The following CNTFR variants were observed in gnomAD, a reference collection of about 807,000 sequenced individuals.
CNTFR encodes the protein ciliary neurotrophic factor receptor, also known as ciliary neurotrophic factor receptor subunit alpha.
A neutral mutation model predicts 40.4 loss-of-function variants in CNTFR; 12 were observed. The ratio of observed to expected loss-of-function variants is 0.30; its 90% CI spans 0.19 to 0.48. CNTFR has a LOEUF of 0.48. Among genes scored for constraint, CNTFR ranks in the 20% least tolerant of loss-of-function variants. The probability of loss-of-function intolerance (pLI) is 0.99; values close to 1 mark genes in which losing one functional copy is unlikely to be tolerated. For synonymous variants in CNTFR, 202 were observed against 209.6 expected (o/e 0.96, Z 0.31); for missense variants, 414 against 506.8 (o/e 0.82, Z 1.76).
intron 7 of CNTFR, among the ~76,000 whole-genome samples, chr9:34,555,951 A>ATCTCCCTCCCCCC (rs1825818722): frequency 4.3e-5 from 1 of 23,194 alleles, no homozygotes; most frequent in African/African-American, 1.8e-4. Context: ...TCCCTCCCCC[A>ATCTCCCTCCCCCC]CCATCTCCCT....
At chr9:34,586,607 G>T (rs1038180392) in intron 1 of CNTFR, among the ~76,000 whole-genome samples, 2 of 152,144 alleles carry the variant, frequency 1.3e-5, no homozygotes, top group African/African-American at 4.8e-5. Context: ...ACCACAGAAG[G>T]GATGTCCAAA....
chr9:34,571,297 C>G (rs1826619960), intron 2 of CNTFR: 1 of 152,508 alleles, frequency 6.6e-6, no homozygotes, highest in Admixed American at 6.5e-5. Context: ...CAGTCGCCCT[C>G]ACACCCTCCC....
chr9:34,579,285 C>T (rs1250835732), intron 2 of CNTFR, among the ~76,000 whole-genome samples: 4 of 152,052 alleles, frequency 2.6e-5, no homozygotes, highest in African/African-American at 9.7e-5. Context: ...AATCCGTCCG[C>T]CCGCCGCTCC....
chr9:34,587,961 G>C (rs754364457), intron 1 of CNTFR, among the ~76,000 whole-genome samples: 1 of 152,154 alleles, frequency 6.6e-6, no homozygotes, highest in Non-Finnish European at 1.5e-5. Context: ...GCCCCACAAC[G>C]TAAGTGTCAG....
At position 34,551,779 on chromosome 9, in the gene CNTFR, T is replaced by C; in HGVS notation, c.*292A>G. The C allele has an allele frequency of 1.7e-6, 1 of 581,154 alleles. No individual in the cohort carries two copies. The highest frequency in any genetic ancestry group is 2.9e-5 in the East Asian group (1 of 34,888). The allele number at this position is 581,154 out of a possible 1,614,324, so 36.0% of individuals were successfully genotyped here. ...TCCCCTCACGTCCCCCAAGGGCTCC[T>C]GGGAGTCGCTGGCATTGGAGGGTCC... On this transcript the variant is annotated 3_prime_UTR_variant, in exon 10 of 10. Coordinates refer to ENST00000378980, the MANE Select transcript of CNTFR (RefSeq NM_147164.3).
chr9:34,562,268 G>T lies in CNTFR; in HGVS notation c.319+2331C>A, dbSNP rs542558020. On this transcript the variant is annotated intron_variant, in intron 4 of 9. Coordinates refer to ENST00000378980, the MANE Select transcript of CNTFR (RefSeq NM_147164.3). ...GAAAGGGCCTGGGGCTAGGCTGAGT[G>T]CTCCACTTCTGATGGACCCCATAGT... 2.0e-5 allele frequency among the ~76,000 whole-genome samples: 3 copies of T among 152,334 alleles called. No homozygotes were observed. In the East Asian group the frequency reaches 5.8e-4, roughly 29 times the overall value.
chr9:34,579,499 G>A (rs1321060625), intron 2 of CNTFR, among the ~76,000 whole-genome samples: 4 of 152,190 alleles, frequency 2.6e-5, no homozygotes, highest in East Asian at 1.9e-4. Context: ...GAGAGACTGG[G>A]AGAGGAGAGA....
chr9:34,551,818 A>G lies in CNTFR; in HGVS notation c.*253T>C, dbSNP rs2132107274. On this transcript the variant is annotated 3_prime_UTR_variant, in exon 10 of 10. Transcript: ENST00000378980. ...ATTGGAGGGTCCAGCCCAAGGGGCC[A>G]GGGTGAGGGGGTCTTTGGTGGGTGG... 1 of 609,652 alleles carries G rather than the reference A, an allele frequency of 1.6e-6. No individual in the cohort carries two copies. Among genetic ancestry groups the G allele is most frequent in the East Asian group, 2.8e-5 (1 of 35,696 alleles). 37.8% of individuals were successfully genotyped at this position (609,652 alleles called of 1,614,324 possible). A position where few individuals can be genotyped will look rare whatever the true frequency, so the allele number is the denominator to read the frequency against.
At chr9:34,556,792 C>T (rs1314193982) in intron 6 of CNTFR, among the ~76,000 whole-genome samples, 1 of 152,146 alleles carries the variant, frequency 6.6e-6, no homozygotes, top group East Asian at 1.9e-4. Flanking sequence ...ACCTGGACTA[C>T]CCCCTCCTAC....
Position 34,564,831 on chromosome 9 carries a change from C to T in CNTFR, c.87G>A (p.Glu29=), listed in dbSNP as rs942064565. The change falls in exon 4 of 10, where the codon GAG becomes GAA. Residue 29 remains glutamate, a splice_region_variant and synonymous_variant. Transcript: ENST00000378980. ...VVYAQRHSPQ[E]APHVQYERLG... is the part of the protein sequence containing the mutation. ...GGCGCTCGTACTGCACATGGGGTGC[C>T]TCTGTGGGGGGTGGGGGCACAGGGC... 4 of 1,613,090 alleles carry T rather than the reference C, an allele frequency of 2.5e-6. No individual in the cohort carries two copies. In the African/African-American group the frequency reaches 4.0e-5, roughly 16 times the overall value.
chr9:34,566,606 C>T (rs1826306662), intron 3 of CNTFR, among the ~76,000 whole-genome samples: 1 of 152,160 alleles, frequency 6.6e-6, no homozygotes, highest in East Asian at 1.9e-4. Flanking sequence ...CCTCTCTCTG[C>T]ACCCCCTAGC....
At chr9:34,579,045 GTAC>G (rs1827146296) in intron 2 of CNTFR, among the ~76,000 whole-genome samples, 1 of 152,174 alleles carries the variant, frequency 6.6e-6, no homozygotes, top group Non-Finnish European at 1.5e-5. Flanking sequence ...GTGCACACCC[GTAC>G]ACATATACAT....
At position 34,557,877 on chromosome 9, in the gene CNTFR, C is replaced by T; in HGVS notation, c.427G>A (p.Val143Met). ...TPTYIPNTFN[V>M]TVLHGSKIMV... The stretch of plus-strand genomic sequence containing the variant: ...GGCGCAGCTACTCACAGCACAGTCA[C>T]ATTGAAGGTGTTGGGAATGTAGGTG... The change falls in exon 5 of 10, where the codon GTG becomes ATG. Residue 143 changes from valine (V) to methionine (M), a missense_variant. Coordinates refer to ENST00000378980, the MANE Select transcript of CNTFR (RefSeq NM_147164.3). The surrounding 1 kb of genome is among the most constrained non-coding windows in gnomAD (Gnocchi z 4.2). The T allele has an allele frequency of 1.3e-6, 2 of 1,564,500 alleles. No homozygotes were observed. The highest frequency in any genetic ancestry group is 1.7e-6 in the Non-Finnish European group (2 of 1,153,754).
At chr9:34,569,043 G>A in intron 2 of CNTFR, 62 bp from the exon 3 acceptor site, 1 of 1,447,102 alleles carries the variant, frequency 6.9e-7, no homozygotes, top group South Asian at 1.2e-5. Context: ...CTGTCCTGGG[G>A]AGCCCCTCCT....
chr9:34,577,398 G>A (rs1329019723), intron 2 of CNTFR, among the ~76,000 whole-genome samples: 1 of 152,192 alleles, frequency 6.6e-6, no homozygotes, highest in African/African-American at 2.4e-5. Flanking sequence ...GGGCAGTGGG[G>A]ACAAAAGAAA....
Position 34,557,447 on chromosome 9 carries a change from G to A in CNTFR, c.604+79C>T. The stretch of plus-strand genomic sequence containing the variant: ...GCCATGTATACATGTGCATGCATGT[G>A]GACATCCCCACCAATGGCACACATC... On this transcript the variant is annotated intron_variant, in intron 6 of 9. Transcript: ENST00000378980. This position sits in a 1 kb window ranked among gnomAD's most constrained non-coding sequence, Gnocchi z 4.2. The A allele has an allele frequency of 6.6e-7, 1 of 1,509,264 alleles. No individual in the cohort carries two copies. The highest frequency in any genetic ancestry group is 9.1e-7 in the Non-Finnish European group (1 of 1,102,492). The allele number at this position is 1,509,264 out of a possible 1,614,324, so 93.5% of individuals were successfully genotyped here. A position where few individuals can be genotyped will look rare whatever the true frequency, so the allele number is the denominator to read the frequency against.
Position 34,551,911 on chromosome 9 carries a change from G to C in CNTFR, c.*160C>G. The stretch of plus-strand genomic sequence containing the variant: ...CAGCTTGGTGCGGCAGGGCTGGGGG[G>C]CGGCAGGCCCGGGCCCGCCGGGGTC... On this transcript the variant is annotated 3_prime_UTR_variant, in exon 10 of 10. Coordinates refer to ENST00000378980, the MANE Select transcript of CNTFR (RefSeq NM_147164.3). The C allele has an allele frequency of 1.4e-6, 1 of 708,814 alleles. No individual in the cohort carries two copies. The highest frequency in any genetic ancestry group is 2.6e-6 in the Non-Finnish European group (1 of 385,076). The allele number at this position is 708,814 out of a possible 1,614,324, so 43.9% of individuals were successfully genotyped here. A position where few individuals can be genotyped will look rare whatever the true frequency, so the allele number is the denominator to read the frequency against.
chr9:34,586,485 C>T (rs1021155215), intron 1 of CNTFR, among the ~76,000 whole-genome samples: 2 of 152,152 alleles, frequency 1.3e-5, no homozygotes, highest in Non-Finnish European at 2.9e-5. Flanking sequence ...TCTGCTCCCT[C>T]CAATCTTCAC....
intron 2 of CNTFR, among the ~76,000 whole-genome samples, chr9:34,580,575 T>C (rs1564075092): frequency 6.6e-6 from 1 of 152,192 alleles, no homozygotes; most frequent in Non-Finnish European, 1.5e-5. Context: ...GCCCTTCCGT[T>C]CCGCTCCAGT....
Sources: gnomAD v4.1 joint callset for allele counts (sites outside exome capture counted in the v4.1 genomes callset) on GRCh38, gnomAD v4.1.1 for gene constraint, Gnocchi (gnomAD v3.1) non-coding constraint, MANE v1.5 for transcripts, NCBI Gene and HGNC (gene_info 2026-07-23, HGNC 2026-07-21) for gene names.